SYNPO2: variants seen among roughly 807,000 people sequenced by gnomAD.
The protein encoded by SYNPO2 is synaptopodin 2, also known as synaptopodin-2.
In SYNPO2, 56 loss-of-function variants were observed where a neutral mutation model predicts 85.0. The ratio of observed to expected loss-of-function variants is 0.66; its 90% CI spans 0.53 to 0.82. The LOEUF (loss-of-function observed/expected upper bound fraction) is 0.82. Among genes scored for constraint, SYNPO2 ranks in the 40% least tolerant of loss-of-function variants. The pLI is 0.00. For synonymous variants in SYNPO2, 602 were observed against 591.1 expected (o/e 1.02, Z -0.27); for missense variants, 1,575 against 1,534.2 (o/e 1.03, Z -0.44).
intron 1 of SYNPO2, among the ~76,000 whole-genome samples, chr4:118,854,543 ATTG>A (rs1731474111): frequency 6.6e-6 from 1 of 152,216 alleles, no homozygotes; most frequent in Non-Finnish European, 1.5e-5. Context: ...AGCTGATACT[ATTG>A]TTAAAGCCAT....
rs1355183346 is a variant in SYNPO2, at chr4:118,970,948, C to A, written c.106-52482C>A. ...AGTTCCAGAGGACACAGAATCTTTT[C>A]ATTTGTTTTGACCCCCAATGATACT... On this transcript the variant is annotated intron_variant, in intron 1 of 4. Transcript: ENST00000307142. Among the ~76,000 whole-genome samples the A allele has an allele frequency of 3.3e-5, 5 of 152,178 alleles. No individual in the cohort carries two copies. The East Asian group carries it at 9.6e-4, about 29-fold the overall frequency.
chr4:119,015,585 T>C (rs533726405), intron 1 of SYNPO2, among the ~76,000 whole-genome samples: 1 of 152,338 alleles, frequency 6.6e-6, no homozygotes, highest in East Asian at 1.9e-4. Flanking sequence ...TTCATTTCCT[T>C]TACTTTATTA....
intron 2 of SYNPO2, among the ~76,000 whole-genome samples, chr4:119,024,736 C>A (rs1179420414): frequency 2.0e-5 from 3 of 152,012 alleles, no homozygotes; most frequent in Non-Finnish European, 4.4e-5. Context: ...AAAGTGGAAT[C>A]TCAATTGAAA....
At chr4:118,895,791 T>C (rs1732532703) in intron 1 of SYNPO2, among the ~76,000 whole-genome samples, 1 of 152,220 alleles carries the variant, frequency 6.6e-6, no homozygotes, top group Admixed American at 6.5e-5. Flanking sequence ...CCTAACTGGA[T>C]ATTTTGCATA....
At position 118,967,458 on chromosome 4, in the gene SYNPO2, A is replaced by AGGTT. The variant is rs202071952; in HGVS notation, c.106-55970_106-55967dup. 3.3e-5 allele frequency among the ~76,000 whole-genome samples: 5 copies of AGGTT among 152,344 alleles called. No individual in the cohort carries two copies. The East Asian group carries it at 9.6e-4, about 29-fold the overall frequency. ...CCTGGCTTCAGGTTTCCAAACTAGC[A>AGGTT]GGTTGTGCTCAGAGCCTAATCCTTG... On this transcript the variant is annotated intron_variant, in intron 1 of 4. Coordinates refer to ENST00000307142, the MANE Select transcript of SYNPO2 (RefSeq NM_133477.3).
intron 1 of SYNPO2, among the ~76,000 whole-genome samples, chr4:118,968,785 A>C (rs927825856): frequency 6.6e-6 from 1 of 152,174 alleles, no homozygotes; most frequent in Non-Finnish European, 1.5e-5. Context: ...TCCCTTGTGG[A>C]GGCCTCTCTT....
intron 1 of SYNPO2, among the ~76,000 whole-genome samples, chr4:118,974,958 C>G (rs1015197913): frequency 3.3e-5 from 5 of 152,206 alleles, no homozygotes; most frequent in Admixed American, 2.0e-4. Flanking sequence ...ACTAATCTCC[C>G]TAGAGTGCTT....
At chr4:118,963,990 A>G (rs1223943529) in intron 1 of SYNPO2, among the ~76,000 whole-genome samples, 1 of 152,174 alleles carries the variant, frequency 6.6e-6, no homozygotes, top group East Asian at 1.9e-4. Flanking sequence ...CATGGCTCTC[A>G]CTGAGATGGG....
At chr4:119,015,917 A>G (rs951300494) in intron 1 of SYNPO2, among the ~76,000 whole-genome samples, 3 of 152,102 alleles carry the variant, frequency 2.0e-5, no homozygotes, top group African/African-American at 4.8e-5. Context: ...TAACTTTGGC[A>G]TTTGTATTAA....
At chr4:119,012,036 C>T (rs1737325055) in intron 1 of SYNPO2, among the ~76,000 whole-genome samples, 1 of 151,002 alleles carries the variant, frequency 6.6e-6, no homozygotes, top group Non-Finnish European at 1.5e-5. Flanking sequence ...AATTCTCCTG[C>T]CTCAGCCTTC....
intron 1 of SYNPO2, among the ~76,000 whole-genome samples, chr4:118,914,749 T>C (rs536703894): frequency 2.0e-5 from 3 of 152,090 alleles, no homozygotes; most frequent in African/African-American, 7.2e-5. Flanking sequence ...TAAAATGTAA[T>C]TGGTGAGAAA....
At chr4:118,919,556 A>G (rs1240452375) in intron 1 of SYNPO2, among the ~76,000 whole-genome samples, 2 of 152,212 alleles carry the variant, frequency 1.3e-5, no homozygotes, top group East Asian at 3.8e-4. Flanking sequence ...AAAAGCTTAC[A>G]TATTATAGAG....
chr4:118,999,672 T>C (rs760182196), intron 1 of SYNPO2, among the ~76,000 whole-genome samples: 4 of 152,170 alleles, frequency 2.6e-5, no homozygotes, highest in Non-Finnish European at 2.9e-5. Flanking sequence ...ACTGAGTTTA[T>C]AGACTAATAA....
intron 1 of SYNPO2, among the ~76,000 whole-genome samples, chr4:118,916,878 A>T (rs1408553312): frequency 6.6e-6 from 1 of 151,870 alleles, no homozygotes; most frequent in Non-Finnish European, 1.5e-5. Context: ...GGCTACAAAG[A>T]TGCGTCACCA....
intron 1 of SYNPO2, among the ~76,000 whole-genome samples, chr4:118,942,737 A>G (rs1009352145): frequency 1.3e-5 from 2 of 152,146 alleles, no homozygotes; most frequent in Non-Finnish European, 2.9e-5. Flanking sequence ...CATCTAGTGG[A>G]TAGAGGCCAG....
intron 1 of SYNPO2, among the ~76,000 whole-genome samples, chr4:118,879,037 C>T (rs555115575): frequency 4.6e-5 from 7 of 152,276 alleles, no homozygotes; most frequent in African/African-American, 1.7e-4. Flanking sequence ...GAATGAACAA[C>T]TCCGGAGGCA....
intron 1 of SYNPO2, among the ~76,000 whole-genome samples, chr4:119,012,375 CTTTTTTT>C (rs10651853): frequency 9.1e-6 from 1 of 109,766 alleles, no homozygotes; most frequent in Non-Finnish European, 1.9e-5. Context: ...TCCCCCTTTT[CTTTTTTT>C]TTTTTTTTTT....
chr4:119,031,464 G>C lies in SYNPO2; in HGVS notation c.2689G>C (p.Ala897Pro). ...CGATTCAGACACGGTGCAGGCCCAC[G>C]CTGCTCGAGCTCAGTCTCCCACTCC... ...VVDSDTVQAH[A>P]ARAQSPTPSL... Residue 897 changes from alanine to proline, a missense_variant, in exon 4 of 5, where the codon GCT becomes CCT. Transcript: ENST00000307142. 6.2e-7 allele frequency: 1 copy of C among 1,614,076 alleles called. No individual in the cohort carries two copies. The highest frequency in any genetic ancestry group is 8.5e-7 in the Non-Finnish European group (1 of 1,180,028).
chr4:118,959,155 T>A lies in SYNPO2; in HGVS notation c.106-64275T>A, dbSNP rs1033518942. On this transcript the variant is annotated intron_variant, in intron 1 of 4. Transcript: ENST00000307142. ...ACTTATTTTCCCCAAGAGTGAAGTA[T>A]ATTAATTGCATCAAGATATATTCCC... Among the ~76,000 whole-genome samples, 12 of 152,212 alleles carry A rather than the reference T, an allele frequency of 7.9e-5. 1 individual carries two copies. The East Asian group carries it at 2.1e-3, about 27-fold the overall frequency.
Sources: allele counts gnomAD v4.1 joint callset (sites outside exome capture counted in the v4.1 genomes callset), GRCh38; gene constraint gnomAD v4.1.1; transcripts MANE v1.5; gene names NCBI Gene and HGNC (gene_info 2026-07-23, HGNC 2026-07-21).